The following TTC6 variants were observed in gnomAD, a reference collection of about 807,000 sequenced individuals.
TTC6 encodes tetratricopeptide repeat domain 6.
TTC6 carries 172 observed loss-of-function variants against 210.4 expected under a neutral mutation model. That is an observed-to-expected ratio of 0.82 (90% CI 0.72 to 0.93). The LOEUF (loss-of-function observed/expected upper bound fraction) is 0.93, where lower values mean the gene tolerates loss of function less well. Among genes scored for constraint, TTC6 ranks in the 40% least tolerant of loss-of-function variants. The probability of loss-of-function intolerance (pLI) is 0.00; values close to 1 mark genes in which losing one functional copy is unlikely to be tolerated. For synonymous variants in TTC6, 804 were observed against 819.6 expected, an observed-to-expected ratio of 0.98 and a Z score of 0.32; for missense variants, 2,414 against 2,318.1, an observed-to-expected ratio of 1.04 and a Z score of -0.85.
intron 1 of TTC6, among the ~76,000 whole-genome samples, chr14:37,630,918 T>TG (rs1178963012): frequency 1.6e-4 from 10 of 60,870 alleles, no homozygotes; most frequent in Non-Finnish European, 2.0e-4. Context: ...TTTTTTTTTT[T>TG]TTTTTTTTTT....
intron 14 of TTC6, among the ~76,000 whole-genome samples, chr14:37,754,507 A>G (rs2095961839): frequency 6.6e-6 from 1 of 151,508 alleles, no homozygotes; most frequent in South Asian, 2.1e-4. Flanking sequence ...GTCTTGGCTC[A>G]CTGCAACCTC....
Position 37,806,517 on chromosome 14 carries a change from A to C in TTC6, c.4314+7A>C. ...CAATCCAAAACATTACCAGGTATTT[A>C]AACAGATGTTTTTAGTGAGTTGGAA... is the stretch of plus-strand genomic sequence containing the variant. On this transcript the variant is annotated splice_region_variant and intron_variant, in intron 22 of 30. Transcript: ENST00000553443. 2.0e-6 allele frequency: 3 copies of C among 1,514,196 alleles called. No homozygotes were observed. The highest frequency in any genetic ancestry group is 2.6e-6 in the Non-Finnish European group (3 of 1,133,830). 93.8% of individuals were successfully genotyped at this position (1,514,196 alleles called of 1,614,324 possible).
At chr14:37,784,435 A>ACTG (rs2096062798) in intron 14 of TTC6, among the ~76,000 whole-genome samples, 1 of 152,124 alleles carries the variant, frequency 6.6e-6, no homozygotes, top group Admixed American at 6.5e-5. Context: ...AGAGACCAGG[A>ACTG]TTACAACCCC....
At chr14:37,615,411 G>A (rs2095641139) in intron 2 of TTC6, among the ~76,000 whole-genome samples, 1 of 151,744 alleles carries the variant, frequency 6.6e-6, no homozygotes, top group Non-Finnish European at 1.5e-5. Context: ...TTTTTCCTTG[G>A]GATACTAATT....
chr14:37,716,722 A>G (rs2095853355), intron 6 of TTC6, among the ~76,000 whole-genome samples: 1 of 152,146 alleles, frequency 6.6e-6, no homozygotes, highest in Non-Finnish European at 1.5e-5. Context: ...AGACAATTCC[A>G]CAATTATAGT....
At chr14:37,803,246 T>C (rs993994186) in intron 20 of TTC6, among the ~76,000 whole-genome samples, 1 of 152,202 alleles carries the variant, frequency 6.6e-6, no homozygotes, top group African/African-American at 2.4e-5. Context: ...TCAATAGTGA[T>C]GTTTTCTTGG....
chr14:37,602,428 G>A (rs1566832048), intron 1 of TTC6, among the ~76,000 whole-genome samples: 1 of 152,190 alleles, frequency 6.6e-6, no homozygotes, highest in African/African-American at 2.4e-5. Context: ...GGTAATAACT[G>A]GAGACCTCTC....
intron 10 of TTC6, among the ~76,000 whole-genome samples, chr14:37,741,510 G>C (rs1252889305): frequency 2.0e-5 from 3 of 151,792 alleles, no homozygotes; most frequent in African/African-American, 7.3e-5. Context: ...GGCTGGTCTC[G>C]AATTCCTGAC....
chr14:37,628,417 G>A (rs1416339737), intron 1 of TTC6, among the ~76,000 whole-genome samples: 3 of 152,174 alleles, frequency 2.0e-5, no homozygotes, highest in African/African-American at 7.2e-5. Flanking sequence ...CTTTTGAGAA[G>A]TGTCTGTTCA....
intron 1 of TTC6, among the ~76,000 whole-genome samples, chr14:37,646,606 A>G (rs1349291769): frequency 1.3e-5 from 2 of 152,170 alleles, no homozygotes; most frequent in Non-Finnish European, 2.9e-5. Flanking sequence ...TTGCTAAAAT[A>G]TTAAAACATT....
In TTC6 at chr14:37,630,167, A is replaced by T. The variant is rs570947119; in HGVS notation, c.939+7164A>T. On this transcript the variant is annotated intron_variant, in intron 1 of 30. Transcript: ENST00000553443. ...TGCTTCTCTAGTTCTTTTAACCGTCATGTTAGGGTATAGATTTTAGATCTT... is the reference window on the plus strand; with the variant it reads ...TGCTTCTCTAGTTCTTTTAACCGTCTTGTTAGGGTATAGATTTTAGATCTT... Among the ~76,000 whole-genome samples, 6 of 152,150 alleles carry T rather than the reference A, an allele frequency of 3.9e-5. No individual in the cohort carries two copies. In the East Asian group the frequency reaches 1.2e-3, roughly 29 times the overall value.
chr14:37,688,195 G>T (rs1455652255), intron 3 of TTC6, among the ~76,000 whole-genome samples: 1 of 152,160 alleles, frequency 6.6e-6, no homozygotes. Context: ...GTGGCCACAG[G>T]GAGAGGCTTC....
rs139119166 is a variant in TTC6 at position 37,802,883 on chromosome 14, C to A, written c.4030-1797C>A. 4.5e-3 allele frequency among the ~76,000 whole-genome samples: 684 copies of A among 152,172 alleles called. 4 individuals carry two copies. Among genetic ancestry groups the A allele is most frequent in the African/African-American group, 0.015 (641 of 41,518 alleles). ...GACTAGCTGGGATTATAGGCACATA[C>A]CACTATGCCCAGCTAATTTTTGTGT... is the stretch of plus-strand genomic sequence containing the variant. On this transcript the variant is annotated intron_variant, in intron 20 of 30. Coordinates refer to ENST00000553443, the Ensembl canonical transcript of TTC6.
chr14:37,703,207 A>G (rs749396473), intron 5 of TTC6, among the ~76,000 whole-genome samples: 44 of 152,160 alleles, frequency 2.9e-4, no homozygotes, highest in Admixed American at 5.2e-4. Context: ...GAGGACTTAC[A>G]GCTATAATTA....
chr14:37,599,091 G>A (rs2095610238), intron 1 of TTC6, among the ~76,000 whole-genome samples: 1 of 152,212 alleles, frequency 6.6e-6, no homozygotes, highest in South Asian at 2.1e-4. Flanking sequence ...CTGGAAACAA[G>A]GGGTCACACG....
At chr14:37,803,360 C>T (rs1435220602) in intron 20 of TTC6, among the ~76,000 whole-genome samples, 1 of 152,088 alleles carries the variant, frequency 6.6e-6, no homozygotes, top group Non-Finnish European at 1.5e-5. Flanking sequence ...TATATAGCTG[C>T]ATTGTTGTAC....
chr14:37,656,520 T>C (rs867099677), intron 1 of TTC6, among the ~76,000 whole-genome samples: 8 of 142,698 alleles, frequency 5.6e-5, no homozygotes, highest in Non-Finnish European at 9.4e-5. Context: ...TGTGCGTGTG[T>C]GTGTGTGTGT....
At chr14:37,778,168 A>G (rs538699674) in intron 14 of TTC6, among the ~76,000 whole-genome samples, 3 of 151,640 alleles carry the variant, frequency 2.0e-5, no homozygotes, top group East Asian at 2.0e-4. Flanking sequence ...GGGCATAGGG[A>G]TGTCAGCCTC....
At chr14:37,768,829 C>A (rs1251749585) in intron 14 of TTC6, among the ~76,000 whole-genome samples, 3 of 152,008 alleles carry the variant, frequency 2.0e-5, no homozygotes, top group Non-Finnish European at 4.4e-5. Flanking sequence ...CCAGAACTTC[C>A]AACACTATGT....
Sources: allele counts gnomAD v4.1 joint callset (sites outside exome capture counted in the v4.1 genomes callset), GRCh38; gene constraint gnomAD v4.1.1; transcripts MANE v1.5; gene names NCBI Gene and HGNC (gene_info 2026-07-23, HGNC 2026-07-21).